MBD5: variants seen among roughly 807,000 people sequenced by gnomAD.
MBD5 encodes the protein methyl-CpG binding domain protein 5.
In MBD5, 13 loss-of-function variants were observed where a neutral mutation model predicts 117.3. That is an observed-to-expected ratio of 0.11 (90% CI 0.07 to 0.18). MBD5 has a LOEUF of 0.18. MBD5 is among the 10% of genes least tolerant of loss of function. MBD5 has a pLI of 1.00. For synonymous variants in MBD5, 727 were observed against 766.4 expected, an observed-to-expected ratio of 0.95 and a Z score of 0.85; for missense variants, 1,879 against 2,093.8, an observed-to-expected ratio of 0.90 and a Z score of 2.00.
chr2:148,276,148 C>T (rs1045765531), intron 3 of MBD5, among the ~76,000 whole-genome samples: 1 of 151,910 alleles, frequency 6.6e-6, no homozygotes, highest in Non-Finnish European at 1.5e-5. Context: ...CCTGTCTCTA[C>T]CAAAAAACAA....
chr2:148,408,863 A>G (rs1018233867), intron 4 of MBD5, among the ~76,000 whole-genome samples: 2 of 152,096 alleles, frequency 1.3e-5, no homozygotes, highest in Admixed American at 6.6e-5. Flanking sequence ...TAAACAATGC[A>G]GTATAGCAAC....
chr2:148,281,815 G>A (rs1419495916), intron 3 of MBD5, among the ~76,000 whole-genome samples: 4 of 152,008 alleles, frequency 2.6e-5, no homozygotes, highest in Admixed American at 6.6e-5. Context: ...ATCCCCAAAA[G>A]CTTTTTTCAG....
intron 8 of MBD5, chr2:148,471,771 G>A (rs1680805405): frequency 6.6e-6 from 1 of 151,942 alleles, no homozygotes; most frequent in African/African-American, 2.4e-5. Flanking sequence ...GATATTCTTA[G>A]TTTAAAGAAT....
chr2:148,074,826 G>A (rs1404970613), intron 1 of MBD5, among the ~76,000 whole-genome samples: 2 of 152,070 alleles, frequency 1.3e-5, no homozygotes, highest in African/African-American at 4.8e-5. Context: ...ACATGAGGAT[G>A]TGGCAGTAAT....
chr2:148,508,152 C>T (rs1324444109), intron 12 of MBD5, among the ~76,000 whole-genome samples: 3 of 152,200 alleles, frequency 2.0e-5, no homozygotes, highest in African/African-American at 7.2e-5. Flanking sequence ...CCTAGGTGGC[C>T]TTGCAGAGTG....
At chr2:148,334,582 C>T (rs375061074) in intron 3 of MBD5, among the ~76,000 whole-genome samples, 1 of 152,074 alleles carries the variant, frequency 6.6e-6, no homozygotes, top group East Asian at 1.9e-4. Flanking sequence ...GATCCCCTTG[C>T]CTTGATTTGC....
Position 148,469,546 on chromosome 2 carries a change from A to G in MBD5, c.1603A>G (p.Thr535Ala), listed in dbSNP as rs536447331. 1.9e-6 allele frequency: 3 copies of G among 1,613,720 alleles called. No homozygotes were observed. The African/African-American group carries it at 4.0e-5, about 22-fold the overall frequency. Residue 535 changes from threonine to alanine, a missense_variant, in exon 8 of 14, where the codon ACC becomes GCC. Thr to Ala is a moderately conservative substitution (Grantham distance 58). This residue lies in a region of MBD5 where 1,666 missense variants were observed against 1,792.2 expected (regional missense o/e 0.93). Transcript: ENST00000642680. Reference protein sequence around the residue: ...LIAGISNVLNTPSSAAFPTAS... With the variant: ...LIAGISNVLNAPSSAAFPTAS... ...TGCTGGAATAAGTAATGTACTAAAT[A>G]CCCCAAGCAGTGCAGCTTTTCCTAC... is the stretch of plus-strand genomic sequence containing the variant.
intron 4 of MBD5, among the ~76,000 whole-genome samples, chr2:148,432,170 T>G (rs1232971819): frequency 6.6e-6 from 1 of 151,864 alleles, no homozygotes; most frequent in Non-Finnish European, 1.5e-5. Flanking sequence ...CATATATGTC[T>G]TCTTCTGCAA....
chr2:148,405,872 A>G (rs1157266637), intron 4 of MBD5, among the ~76,000 whole-genome samples: 1 of 152,130 alleles, frequency 6.6e-6, no homozygotes, highest in African/African-American at 2.4e-5. Context: ...TAGTCTCAGC[A>G]CTTTGGGGCA....
At chr2:148,077,695 G>T (rs1001374242) in intron 1 of MBD5, among the ~76,000 whole-genome samples, 8 of 152,162 alleles carry the variant, frequency 5.3e-5, no homozygotes, top group African/African-American at 1.9e-4. Flanking sequence ...CATAATAGAG[G>T]AGGAGGGTAT....
intron 4 of MBD5, among the ~76,000 whole-genome samples, chr2:148,349,461 G>A (rs578122644): frequency 6.6e-6 from 1 of 151,972 alleles, no homozygotes; most frequent in South Asian, 2.1e-4. Context: ...ATAAGTAAAT[G>A]TTTTGGTTTG....
intron 1 of MBD5, among the ~76,000 whole-genome samples, chr2:148,149,897 T>A (rs1459570109): frequency 6.9e-6 from 1 of 145,410 alleles, no homozygotes; most frequent in African/African-American, 2.6e-5. Flanking sequence ...GGTTGCCTGT[T>A]CACTCTGATG....
intron 1 of MBD5, among the ~76,000 whole-genome samples, chr2:148,127,379 GCT>G (rs939349008): frequency 6.6e-6 from 1 of 152,026 alleles, no homozygotes; most frequent in African/African-American, 2.4e-5. Context: ...TCTTCCTGAT[GCT>G]CTCTCTCCCC....
At chr2:148,323,675 C>T (rs1240471429) in intron 3 of MBD5, among the ~76,000 whole-genome samples, 1 of 151,966 alleles carries the variant, frequency 6.6e-6, no homozygotes, top group African/African-American at 2.4e-5. Flanking sequence ...TGTCCTTTGC[C>T]CACTTTTTGA....
intron 1 of MBD5, among the ~76,000 whole-genome samples, chr2:148,150,487 G>A (rs945070096): frequency 2.0e-5 from 3 of 152,144 alleles, no homozygotes; most frequent in Non-Finnish European, 4.4e-5. Flanking sequence ...GAAAGTCATT[G>A]GTAGCTTGAT....
chr2:148,211,118 C>T (rs1458510816), intron 2 of MBD5, among the ~76,000 whole-genome samples: 1 of 152,172 alleles, frequency 6.6e-6, no homozygotes, highest in African/African-American at 2.4e-5. Flanking sequence ...AATACAACAT[C>T]AGTCTAGGAC....
intron 4 of MBD5, among the ~76,000 whole-genome samples, chr2:148,429,886 C>T (rs13020050): frequency 6.6e-5 from 10 of 152,020 alleles, no homozygotes; most frequent in African/African-American, 9.7e-5. Flanking sequence ...AAGAGAAATA[C>T]CTAATGGAGA....
intron 2 of MBD5, among the ~76,000 whole-genome samples, chr2:148,204,823 C>G (rs1699236308): frequency 6.6e-6 from 1 of 152,112 alleles, no homozygotes. Context: ...AAATGAGCTA[C>G]TGCCAATCAG....
At chr2:148,324,818 C>T (rs1220244636) in intron 3 of MBD5, among the ~76,000 whole-genome samples, 1 of 152,004 alleles carries the variant, frequency 6.6e-6, no homozygotes, top group East Asian at 1.9e-4. Context: ...TAATTGAATA[C>T]CCTTTATTTC....
Sources: gnomAD v4.1 joint callset for allele counts (sites outside exome capture counted in the v4.1 genomes callset) on GRCh38, gnomAD v4.1.1 for gene constraint, gnomAD v4.1.1 regional missense constraint, MANE v1.5 for transcripts, NCBI Gene and HGNC (gene_info 2026-07-23, HGNC 2026-07-21) for gene names.